Variants in INVS observed in about 807,000 individuals in gnomAD.
INVS encodes the protein inversin, also known as inversion of embryo turning homolog.
INVS carries 86 observed loss-of-function variants against 108.8 expected under a neutral mutation model. The ratio of observed to expected loss-of-function variants is 0.79; its 90% CI spans 0.66 to 0.95. The LOEUF (loss-of-function observed/expected upper bound fraction) is 0.95, where lower values mean the gene tolerates loss of function less well. Among genes scored for constraint, INVS ranks in the 40% least tolerant of loss-of-function variants. The pLI, the probability that INVS is intolerant of heterozygous loss-of-function variation, is 0.00. For synonymous variants in INVS, 455 were observed against 473.5 expected (o/e 0.96, Z 0.51); for missense variants, 1,169 against 1,297.4 (o/e 0.90, Z 1.52).
chr9:100,101,725 G>A (rs543660245), intron 1 of INVS: 6 of 152,310 alleles, frequency 3.9e-5, no homozygotes, highest in East Asian at 1.9e-4. Context: ...GAGTAACAGC[G>A]ATTGGCGTGA....
intron 3 of INVS, among the ~76,000 whole-genome samples, chr9:100,190,931 G>A (rs1466681536): frequency 6.6e-6 from 1 of 151,844 alleles, no homozygotes; most frequent in Admixed American, 6.6e-5. Context: ...CATGATCATG[G>A]CTCACTGCAG....
intron 3 of INVS, among the ~76,000 whole-genome samples, chr9:100,138,140 T>C (rs1191654109): frequency 6.6e-6 from 1 of 152,198 alleles, no homozygotes; most frequent in East Asian, 1.9e-4. Context: ...GCATGGTGGC[T>C]CATGTCTGTA....
intron 3 of INVS, among the ~76,000 whole-genome samples, chr9:100,213,821 C>T (rs1241566121): frequency 6.6e-6 from 1 of 152,070 alleles, no homozygotes; most frequent in African/African-American, 2.4e-5. Context: ...CTTAGTAAGC[C>T]CAGAGGAAGA....
At chr9:100,117,456 A>T in intron 2 of INVS, 1 of 788,042 alleles carries the variant, frequency 1.3e-6, no homozygotes, top group Non-Finnish European at 2.2e-6. Flanking sequence ...ACGGGCATGC[A>T]CTCCTTATCC....
At chr9:100,186,255 A>G (rs980176891) in intron 3 of INVS, among the ~76,000 whole-genome samples, 16 of 151,976 alleles carry the variant, frequency 1.1e-4, no homozygotes, top group African/African-American at 3.9e-4. Flanking sequence ...GTTTTAAACA[A>G]TTCTCTGCCT....
At chr9:100,150,030 G>C (rs1197178803) in intron 3 of INVS, among the ~76,000 whole-genome samples, 1 of 152,110 alleles carries the variant, frequency 6.6e-6, no homozygotes, top group Non-Finnish European at 1.5e-5. Flanking sequence ...CAGACTTCTT[G>C]TTCTTCTGGC....
intron 3 of INVS, among the ~76,000 whole-genome samples, chr9:100,196,993 G>C (rs1177554616): frequency 6.6e-6 from 1 of 152,096 alleles, no homozygotes; most frequent in Non-Finnish European, 1.5e-5. Context: ...TTCTGTAGCA[G>C]ACACCCAGCT....
chr9:100,103,168 A>G, intron 1 of INVS, among the ~76,000 whole-genome samples: 1 of 151,254 alleles, frequency 6.6e-6, no homozygotes, highest in Admixed American at 6.6e-5. Flanking sequence ...TAATTTTTTT[A>G]TTTTTTTCTG....
chr9:100,130,809 A>G (rs1052622681), intron 3 of INVS: 1 of 152,186 alleles, frequency 6.6e-6, no homozygotes, highest in African/African-American at 2.4e-5. Flanking sequence ...TTGGAACACA[A>G]AGGTGAACAA....
chr9:100,223,880 CAGTT>C (rs919542584), intron 3 of INVS, among the ~76,000 whole-genome samples: 1 of 152,348 alleles, frequency 6.6e-6, no homozygotes, highest in African/African-American at 2.4e-5. Context: ...TGTGGGCAAG[CAGTT>C]AGTTCTCATT....
chr9:100,228,590 T>C (rs1216881304), intron 4 of INVS, among the ~76,000 whole-genome samples: 1 of 152,190 alleles, frequency 6.6e-6, no homozygotes, highest in African/African-American at 2.4e-5. Flanking sequence ...TGATTATTTA[T>C]AAATGACTGG....
At chr9:100,238,104 C>T (rs559623973) in intron 5 of INVS, among the ~76,000 whole-genome samples, 20 of 152,216 alleles carry the variant, frequency 1.3e-4, no homozygotes, top group African/African-American at 4.6e-4. Context: ...GTTTTGAACT[C>T]TTGGCCTCAA....
At chr9:100,192,775 T>C (rs1375265470) in intron 3 of INVS, among the ~76,000 whole-genome samples, 1 of 152,214 alleles carries the variant, frequency 6.6e-6, no homozygotes, top group Non-Finnish European at 1.5e-5. Flanking sequence ...TCATTTTTGT[T>C]TTAATTTGCA....
chr9:100,246,324 TTTCCAAGC>T (rs1564174251), intron 7 of INVS, among the ~76,000 whole-genome samples: 1 of 152,130 alleles, frequency 6.6e-6, no homozygotes, highest in Non-Finnish European at 1.5e-5. Flanking sequence ...ACCTATAAAG[TTTCCAAGC>T]TTGATTGAAG....
At chr9:100,265,883 C>G (rs959041238) in intron 11 of INVS, among the ~76,000 whole-genome samples, 4 of 152,006 alleles carry the variant, frequency 2.6e-5, no homozygotes, top group African/African-American at 9.7e-5. Flanking sequence ...TCGAAACCAG[C>G]CTGGCCAACA....
chr9:100,295,624 G>T (rs953259068), intron 14 of INVS, among the ~76,000 whole-genome samples: 4 of 152,116 alleles, frequency 2.6e-5, no homozygotes, highest in African/African-American at 7.2e-5. Flanking sequence ...TGGAAAACAG[G>T]CAGGGAAGAA....
At chr9:100,246,936 C>T (rs1832066378) in intron 8 of INVS, 149 bp downstream of exon 8, 1 of 745,316 alleles carries the variant, frequency 1.3e-6, no homozygotes, top group Admixed American at 1.9e-5. Context: ...TTGGGTTTGC[C>T]AGGATGTCAC....
intron 8 of INVS, among the ~76,000 whole-genome samples, chr9:100,251,152 T>C (rs1432573397): frequency 6.6e-6 from 1 of 152,182 alleles, no homozygotes; most frequent in African/African-American, 2.4e-5. Context: ...GATGGGGAAT[T>C]GTTTTGTTTT....
At chr9:100,286,057 G>A (rs556325078) in intron 13 of INVS, among the ~76,000 whole-genome samples, 15 of 152,264 alleles carry the variant, frequency 9.9e-5, no homozygotes, top group African/African-American at 3.4e-4. Context: ...TTCAGGGCTT[G>A]GACAGTTCAA....
Sources: gnomAD v4.1 joint callset for allele counts (sites outside exome capture counted in the v4.1 genomes callset) on GRCh38, gnomAD v4.1.1 for gene constraint, MANE v1.5 for transcripts, NCBI Gene and HGNC (gene_info 2026-07-23, HGNC 2026-07-21) for gene names.